CCSER1: variants seen among roughly 807,000 people sequenced by gnomAD.
CCSER1 encodes the protein serine-rich coiled-coil domain-containing protein 1.
Under a neutral mutation model 82.0 loss-of-function variants are expected in CCSER1, and 41 were observed. The ratio of observed to expected loss-of-function variants is 0.50; its 90% CI spans 0.39 to 0.65. CCSER1 has a LOEUF of 0.65. Ranked by LOEUF, CCSER1 falls within the 30% of genes least tolerant of loss-of-function variation. The pLI, the probability that CCSER1 is intolerant of heterozygous loss-of-function variation, is 0.00. For synonymous variants in CCSER1, 414 were observed against 383.9 expected (o/e 1.08, Z -0.92); for missense variants, 1,119 against 1,064.2 (o/e 1.05, Z -0.72).
intron 10 of CCSER1, among the ~76,000 whole-genome samples, chr4:91,109,397 G>GA (rs1418927656): frequency 6.6e-6 from 1 of 151,490 alleles, no homozygotes; most frequent in Non-Finnish European, 1.5e-5. Context: ...TATCTCTCCA[G>GA]AGAAACCTAA....
At chr4:91,246,801 A>T (rs1445513384) in intron 10 of CCSER1, among the ~76,000 whole-genome samples, 1 of 149,478 alleles carries the variant, frequency 6.7e-6, no homozygotes, top group Admixed American at 6.7e-5. Flanking sequence ...ATTTAAAAAA[A>T]GGCATCTCAT....
rs991738598 is a variant in CCSER1 at position 91,414,460 on chromosome 4, A to T, written c.2218-184112A>T. ...AAAGAGAAGCATATCATTTCAAAAA[A>T]ATTCACAAATTTAAAGGAAGGCAGC... On this transcript the variant is annotated intron_variant, in intron 10 of 10. Coordinates refer to ENST00000509176, the MANE Select transcript of CCSER1 (RefSeq NM_001145065.2). 5.3e-5 allele frequency among the ~76,000 whole-genome samples: 8 copies of T among 152,290 alleles called. No homozygotes were observed. In the East Asian group the frequency reaches 1.5e-3, roughly 29 times the overall value.
chr4:90,767,602 A>G (rs1208574782), intron 7 of CCSER1, among the ~76,000 whole-genome samples: 1 of 152,196 alleles, frequency 6.6e-6, no homozygotes, highest in Non-Finnish European at 1.5e-5. Context: ...GATCATTCAT[A>G]TCTAAGTTGC....
chr4:90,857,343 G>T (rs2149965734), intron 8 of CCSER1, among the ~76,000 whole-genome samples: 1 of 152,134 alleles, frequency 6.6e-6, no homozygotes, highest in Admixed American at 6.6e-5. Context: ...TTCCTCAGTA[G>T]CTGTTAACCT....
intron 7 of CCSER1, among the ~76,000 whole-genome samples, chr4:90,779,696 G>T (rs1452294705): frequency 2.0e-5 from 3 of 152,130 alleles, no homozygotes; most frequent in Admixed American, 2.0e-4. Context: ...CTGAGCCCAC[G>T]AGCTGAAAAA....
Position 90,165,847 on chromosome 4 carries a change from T to C in CCSER1, c.-42+38016T>C, listed in dbSNP as rs535930810. 4.6e-5 allele frequency among the ~76,000 whole-genome samples: 7 copies of C among 152,048 alleles called. No individual in the cohort carries two copies. In the East Asian group the frequency reaches 1.4e-3, roughly 29 times the overall value. Reference sequence around the variant, plus strand: ...GTGTTTAAAAAGCAGAAATGTAATATGGAAGGTGAGATGATAAACCAGGAA... The same window carrying C: ...GTGTTTAAAAAGCAGAAATGTAATACGGAAGGTGAGATGATAAACCAGGAA... On this transcript the variant is annotated intron_variant, in intron 1 of 10. Transcript: ENST00000509176.
chr4:91,333,085 A>C (rs530572706), intron 10 of CCSER1, among the ~76,000 whole-genome samples: 12 of 152,184 alleles, frequency 7.9e-5, no homozygotes, highest in African/African-American at 2.9e-4. Flanking sequence ...CTTGTCACAA[A>C]GGCAATCTTC....
intron 1 of CCSER1, among the ~76,000 whole-genome samples, chr4:90,227,841 T>C (rs1475443254): frequency 2.6e-5 from 4 of 152,194 alleles, no homozygotes; most frequent in African/African-American, 9.7e-5. Flanking sequence ...TTCCCTTTCC[T>C]AGTCAAAGAA....
chr4:90,853,864 T>C (rs1764154395), intron 8 of CCSER1, among the ~76,000 whole-genome samples: 2 of 152,106 alleles, frequency 1.3e-5, no homozygotes, highest in Non-Finnish European at 2.9e-5. Flanking sequence ...ATTTACACAA[T>C]AAATTCAGTA....
At chr4:90,433,761 A>T (rs1376675549) in intron 4 of CCSER1, among the ~76,000 whole-genome samples, 1 of 151,990 alleles carries the variant, frequency 6.6e-6, no homozygotes, top group East Asian at 1.9e-4. Context: ...TTCTTCTAAT[A>T]ATATCATAAT....
intron 10 of CCSER1, among the ~76,000 whole-genome samples, chr4:91,136,516 A>G (rs1728484083): frequency 1.3e-5 from 2 of 152,168 alleles, no homozygotes; most frequent in Non-Finnish European, 2.9e-5. Flanking sequence ...TGGATACCCT[A>G]AAGTCTTTCT....
At chr4:90,506,529 A>T (rs1387398023) in intron 5 of CCSER1, among the ~76,000 whole-genome samples, 1 of 152,068 alleles carries the variant, frequency 6.6e-6, no homozygotes, top group African/African-American at 2.4e-5. Context: ...TTGAGAGGCC[A>T]AGGCAGGTGG....
rs554916951 is a variant in CCSER1, at chr4:90,209,205, T to C, written c.-42+81374T>C. Among the ~76,000 whole-genome samples the C allele has an allele frequency of 1.8e-4, 27 of 152,258 alleles. No homozygotes were observed. The Middle Eastern group carries it at 0.034, about 192-fold the overall frequency. ...AGCTGTAAAGGGTGACCCGCTGAAATAGATGGCGGTATGGGTGTGGAAATC... is the reference window on the plus strand; with the variant it reads ...AGCTGTAAAGGGTGACCCGCTGAAACAGATGGCGGTATGGGTGTGGAAATC... On this transcript the variant is annotated intron_variant, in intron 1 of 10. Coordinates refer to ENST00000509176, the MANE Select transcript of CCSER1 (RefSeq NM_001145065.2).
intron 10 of CCSER1, among the ~76,000 whole-genome samples, chr4:91,184,688 G>A (rs959973483): frequency 2.0e-5 from 3 of 152,160 alleles, no homozygotes; most frequent in Non-Finnish European, 2.9e-5. Flanking sequence ...GGTTCTGGAG[G>A]CTTAACAATG....
chr4:91,549,911 T>G (rs565493396), intron 10 of CCSER1, among the ~76,000 whole-genome samples: 5 of 150,366 alleles, frequency 3.3e-5, no homozygotes, highest in Admixed American at 1.3e-4. Context: ...CTCAGTTTTG[T>G]TTTGTCATTG....
intron 6 of CCSER1, among the ~76,000 whole-genome samples, chr4:90,723,232 C>A (rs1743000429): frequency 6.6e-6 from 1 of 151,846 alleles, no homozygotes; most frequent in African/African-American, 2.4e-5. Context: ...ACTGATATAT[C>A]TTTCTTAGGC....
chr4:90,488,521 A>C (rs1271275601), intron 5 of CCSER1, among the ~76,000 whole-genome samples: 1 of 152,176 alleles, frequency 6.6e-6, no homozygotes, highest in African/African-American at 2.4e-5. Context: ...TTCAATCAAG[A>C]AAGCCTCATA....
chr4:91,412,605 C>T (rs1753123450), intron 10 of CCSER1, among the ~76,000 whole-genome samples: 1 of 151,998 alleles, frequency 6.6e-6, no homozygotes, highest in Admixed American at 6.6e-5. Context: ...GTAACAGGCC[C>T]ACCAACCATA....
At chr4:91,287,982 A>G (rs1353173428) in intron 10 of CCSER1, among the ~76,000 whole-genome samples, 1 of 150,874 alleles carries the variant, frequency 6.6e-6, no homozygotes, top group Non-Finnish European at 1.5e-5. Flanking sequence ...CTGTTCTGGT[A>G]AAAGAAAAAA....
Sources: allele counts gnomAD v4.1 joint callset (sites outside exome capture counted in the v4.1 genomes callset), GRCh38; gene constraint gnomAD v4.1.1; transcripts MANE v1.5; gene names NCBI Gene and HGNC (gene_info 2026-07-23, HGNC 2026-07-21).